Variants in SNX29 observed in about 807,000 individuals in gnomAD.
SNX29 encodes sorting nexin-29.
In SNX29, 78 loss-of-function variants were observed where a neutral mutation model predicts 102.1. That is an observed-to-expected ratio of 0.76 (90% CI 0.64 to 0.92). SNX29 has a LOEUF of 0.92. Ranked by LOEUF, SNX29 falls within the 40% of genes least tolerant of loss-of-function variation. The pLI is 0.00. For missense variants in SNX29, 1,280 were observed against 1,061.7 expected, an observed-to-expected ratio of 1.21 and a Z score of -2.86; for synonymous variants, 580 against 414.5, an observed-to-expected ratio of 1.40 and a Z score of -4.85.
chr16:12,355,886 A>C (rs1261423692), intron 15 of SNX29, among the ~76,000 whole-genome samples: 1 of 147,930 alleles, frequency 6.8e-6, no homozygotes, highest in East Asian at 2.0e-4. Context: ...AGAGAGAGGA[A>C]AAAAAAAGCC....
At chr16:12,187,275 T>C (rs58970092) in intron 13 of SNX29, among the ~76,000 whole-genome samples, 2,961 of 152,318 alleles carry the variant, frequency 0.019, 96 homozygotes, top group African/African-American at 0.067. Flanking sequence ...AGATATGTTA[T>C]AGAGCTGGGC....
chr16:12,545,149 T>C (rs1296303844), intron 20 of SNX29, among the ~76,000 whole-genome samples: 2 of 152,010 alleles, frequency 1.3e-5, no homozygotes. Context: ...AGCTATGAAG[T>C]ACAGACACTC....
At chr16:12,558,751 C>T (rs575328564) in intron 20 of SNX29, among the ~76,000 whole-genome samples, 4 of 152,224 alleles carry the variant, frequency 2.6e-5, no homozygotes, top group Admixed American at 1.3e-4. Context: ...CTGTCCCAGG[C>T]CCATTGGGTG....
chr16:12,404,462 T>C (rs1265363391), intron 18 of SNX29, among the ~76,000 whole-genome samples: 3 of 152,164 alleles, frequency 2.0e-5, no homozygotes, highest in African/African-American at 7.2e-5. Context: ...TGTGCCCTTG[T>C]TCTGGGACTG....
intron 20 of SNX29, among the ~76,000 whole-genome samples, chr16:12,542,527 T>TC (rs1445663235): frequency 6.6e-6 from 1 of 152,210 alleles, no homozygotes; most frequent in Admixed American, 6.5e-5. Context: ...AGGCAGGGTT[T>TC]CACCACGTTG....
At chr16:12,309,013 C>G (rs2080442582) in intron 15 of SNX29, among the ~76,000 whole-genome samples, 1 of 152,198 alleles carries the variant, frequency 6.6e-6, no homozygotes, top group Non-Finnish European at 1.5e-5. Flanking sequence ...AAGGAAACCT[C>G]ACTTTGAGAG....
intron 1 of SNX29, among the ~76,000 whole-genome samples, chr16:11,996,480 C>G (rs753040819): frequency 6.6e-6 from 1 of 152,180 alleles, no homozygotes; most frequent in Non-Finnish European, 1.5e-5. Flanking sequence ...AAAATTATCA[C>G]TAGGGAGATG....
At chr16:12,054,776 A>C (rs1350787870) in intron 8 of SNX29, among the ~76,000 whole-genome samples, 1 of 152,154 alleles carries the variant, frequency 6.6e-6, no homozygotes, top group Non-Finnish European at 1.5e-5. Flanking sequence ...CTTCAGGCAC[A>C]CACCCCTTGG....
intron 15 of SNX29, among the ~76,000 whole-genome samples, chr16:12,321,867 G>A (rs1377076112): frequency 2.0e-5 from 3 of 152,164 alleles, no homozygotes; most frequent in African/African-American, 4.8e-5. Context: ...ACAGAGAGCC[G>A]GGGATATCAC....
rs149165552 is a variant in SNX29 at position 12,048,529 on chromosome 16, G to C, written c.657G>C (p.Arg219Ser). ...CGCAAGGAGTGAGCAGCCTGTTCAG[G>C]GAGATCACAGCCTCCTCTGCCGTCT... ...ESTQGVSSLF[R>S]EITASSAVSI... The change falls in exon 7 of 21, where the codon AGG becomes AGC. Residue 219 changes from arginine (R) to serine (S), a missense_variant. Physicochemically the swap from Arg to Ser is moderately radical, Grantham distance 110 (BLOSUM62 -1). Transcript: ENST00000566228. The C allele has an allele frequency of 2.0e-5, 32 of 1,613,786 alleles. No homozygotes were observed. The highest frequency in any genetic ancestry group is 2.6e-5 in the Non-Finnish European group (31 of 1,179,870).
intron 3 of SNX29, among the ~76,000 whole-genome samples, chr16:12,019,797 C>G (rs1003524826): frequency 6.6e-6 from 1 of 151,694 alleles, no homozygotes; most frequent in African/African-American, 2.4e-5. Context: ...CCACCACACC[C>G]GACTTTTTTT....
At chr16:12,019,447 T>C (rs1458107148) in intron 3 of SNX29, among the ~76,000 whole-genome samples, 1 of 151,956 alleles carries the variant, frequency 6.6e-6, no homozygotes, top group Admixed American at 6.6e-5. Flanking sequence ...CCTCGTGATC[T>C]GCCCGCCTCG....
At chr16:12,110,024 C>T (rs561561673) in intron 11 of SNX29, among the ~76,000 whole-genome samples, 2 of 152,292 alleles carry the variant, frequency 1.3e-5, no homozygotes, top group East Asian at 1.9e-4. Flanking sequence ...CCACCGTGCC[C>T]GGCCCTCGTC....
At chr16:12,195,985 C>CTTTTTTT (rs762409358) in intron 13 of SNX29, among the ~76,000 whole-genome samples, 2 of 117,978 alleles carry the variant, frequency 1.7e-5, no homozygotes, top group Non-Finnish European at 3.5e-5. Context: ...GTTTCTTTTC[C>CTTTTTTT]TTTTTTTTTT....
intron 15 of SNX29, among the ~76,000 whole-genome samples, chr16:12,282,101 A>AAAAAAAAAAG (rs2079452115): frequency 6.6e-6 from 1 of 151,276 alleles, no homozygotes; most frequent in Non-Finnish European, 1.5e-5. Context: ...AAAAAAAAAA[A>AAAAAAAAAAG]AAAAAAATGC....
In SNX29 at chr16:12,568,802, C is replaced by G. The variant is rs906210328; in HGVS notation, c.*173C>G. 3 of 1,028,106 alleles carry G rather than the reference C, an allele frequency of 2.9e-6. No individual in the cohort carries two copies. Among genetic ancestry groups the G allele is most frequent in the South Asian group, 1.7e-5 (1 of 59,352 alleles). The allele number at this position is 1,028,106 out of a possible 1,614,324, so 63.7% of individuals were successfully genotyped here. ...CGATTAAACTAATCAGTCTTCGAGC[C>G]GCATGATACCGTGACCCGAGAGACC... On this transcript the variant is annotated 3_prime_UTR_variant, in exon 21 of 21. Transcript: ENST00000566228.
chr16:12,505,140 C>G (rs894221480), intron 19 of SNX29, among the ~76,000 whole-genome samples: 1 of 152,126 alleles, frequency 6.6e-6, no homozygotes, highest in Non-Finnish European at 1.5e-5. Flanking sequence ...AAAGAGACTC[C>G]TACTGTGAAT....
intron 20 of SNX29, among the ~76,000 whole-genome samples, chr16:12,553,905 A>G (rs954263318): frequency 2.0e-5 from 3 of 151,734 alleles, no homozygotes; most frequent in African/African-American, 7.3e-5. Flanking sequence ...GTGCAGTGGC[A>G]TGATCTCCGC....
chr16:12,570,297 G>A lies in SNX29; in HGVS notation c.*1668G>A, dbSNP rs115063113. Reference sequence around the variant, plus strand: ...ACCCTGCAGTCAGTTTGCGAGTGTGGAGGACCCGAGACATCCTGTAAAGGC... The same window carrying A: ...ACCCTGCAGTCAGTTTGCGAGTGTGAAGGACCCGAGACATCCTGTAAAGGC... On this transcript the variant is annotated 3_prime_UTR_variant, in exon 21 of 21. Coordinates refer to ENST00000566228, the MANE Select transcript of SNX29 (RefSeq NM_032167.5). 9.5e-7 allele frequency: 1 copy of A among 1,048,688 alleles called. No homozygotes were observed. Among genetic ancestry groups the A allele is most frequent in the Non-Finnish European group, 1.2e-6 (1 of 864,280 alleles). 65.0% of individuals were successfully genotyped at this position (1,048,688 alleles called of 1,614,324 possible).
Sources: allele counts gnomAD v4.1 joint callset (sites outside exome capture counted in the v4.1 genomes callset), GRCh38; gene constraint gnomAD v4.1.1; transcripts MANE v1.5; gene names NCBI Gene and HGNC (gene_info 2026-07-23, HGNC 2026-07-21).